Variants in DGKZ observed in about 807,000 individuals in gnomAD.
DGKZ encodes diacylglycerol kinase zeta, also known as DAG kinase zeta.
In DGKZ, 45 loss-of-function variants were observed where a neutral mutation model predicts 142.5. The observed-to-expected ratio is 0.32, with a 90% confidence interval of 0.25 to 0.40. The LOEUF is 0.40. Ranked by LOEUF, DGKZ falls within the 10% of genes least tolerant of loss-of-function variation. The pLI, the probability that DGKZ is intolerant of heterozygous loss-of-function variation, is 1.00. For synonymous variants in DGKZ, 442 were observed against 527.0 expected (o/e 0.84, Z 2.21); for missense variants, 755 against 1,306.5 (o/e 0.58, Z 6.51).
chr11:46,360,772 C>G (rs1222696259), intron 1 of DGKZ, among the ~76,000 whole-genome samples: 1 of 151,426 alleles, frequency 6.6e-6, no homozygotes, highest in Non-Finnish European at 1.5e-5. Flanking sequence ...GGTGACAGGG[C>G]AAGACTCCAT....
At position 46,348,867 on chromosome 11, in the gene DGKZ, C is replaced by T. The variant is rs531458188; in HGVS notation, c.161+1047C>T. Among the ~76,000 whole-genome samples, 11 of 152,282 alleles carry T rather than the reference C, an allele frequency of 7.2e-5. No individual in the cohort carries two copies. In the South Asian group the frequency reaches 2.1e-3, roughly 29 times the overall value. Reference sequence around the variant, plus strand: ...GCTTGTAGCCAATCAGCCAAGGACCCCAGAGCCACCTCAGACTGAACTCTG... The same window carrying T: ...GCTTGTAGCCAATCAGCCAAGGACCTCAGAGCCACCTCAGACTGAACTCTG... On this transcript the variant is annotated intron_variant, in intron 1 of 30. Transcript: ENST00000527911.
At chr11:46,370,999 C>T (rs897318053) in intron 6 of DGKZ, among the ~76,000 whole-genome samples, 1 of 152,138 alleles carries the variant, frequency 6.6e-6, no homozygotes, top group Admixed American at 6.5e-5. Context: ...ACAAGAGAAT[C>T]GCTTGAACCT....
intron 1 of DGKZ, among the ~76,000 whole-genome samples, chr11:46,336,153 G>T (rs868105102): frequency 2.2e-4 from 33 of 152,380 alleles, no homozygotes; most frequent in Non-Finnish European, 4.0e-4. Flanking sequence ...CGTAAGTGAG[G>T]ACGGGGGCTT....
chr11:46,369,738 C>T (rs1482670619), intron 5 of DGKZ, 188 bp downstream of exon 5: 2 of 900,786 alleles, frequency 2.2e-6, no homozygotes, highest in East Asian at 2.6e-5. Context: ...CAGCTTGTGC[C>T]TCCTGGTGCT....
intron 4 of DGKZ, chr11:46,368,323 A>G (rs1943560170): frequency 1.8e-6 from 1 of 562,990 alleles, no homozygotes; most frequent in South Asian, 1.8e-5. Context: ...ATATCACTCA[A>G]TGGAATGAAT....
At chr11:46,349,551 T>G (rs1476427268) in intron 1 of DGKZ, among the ~76,000 whole-genome samples, 1 of 144,352 alleles carries the variant, frequency 6.9e-6, no homozygotes, top group African/African-American at 2.8e-5. Context: ...TATTCTTCCT[T>G]TTGTAAAACA....
chr11:46,378,132 G>T, intron 25 of DGKZ, 66 bp from the exon 26 acceptor site: 1 of 1,563,564 alleles, frequency 6.4e-7, no homozygotes. Context: ...CCCCCAGTTG[G>T]GGTTGGGGAG....
exon 28 of DGKZ, chr11:46,379,014 G>A (rs766000782): frequency 1.3e-6 from 2 of 1,581,722 alleles, no homozygotes; most frequent in Non-Finnish European, 1.7e-6. Flanking sequence ...ACCGAGCTGG[G>A]GGCGACCTCA....
intron 24 of DGKZ, 197 bp downstream of exon 24, chr11:46,376,761 C>T (rs1944593479): frequency 1.3e-6 from 1 of 773,482 alleles, no homozygotes; most frequent in African/African-American, 1.7e-5. Context: ...CGGTGCCAGC[C>T]AGAAAGGCAG....
intron 1 of DGKZ, among the ~76,000 whole-genome samples, chr11:46,334,292 A>G (rs528022993): frequency 1.3e-5 from 2 of 152,318 alleles, no homozygotes; most frequent in East Asian, 3.9e-4. Flanking sequence ...CACAGCCTCA[A>G]CTTGGACTTG....
chr11:46,363,772 C>G (rs924431513), intron 1 of DGKZ, among the ~76,000 whole-genome samples: 1 of 152,222 alleles, frequency 6.6e-6, no homozygotes, highest in Non-Finnish European at 1.5e-5. Flanking sequence ...GCGGCCTGAC[C>G]AGGCAGGCAG....
At chr11:46,333,405 G>A (rs1939863531) in exon 1 of DGKZ, 1 of 1,507,436 alleles carries the variant, frequency 6.6e-7, no homozygotes, top group Non-Finnish European at 8.8e-7. Flanking sequence ...GCCCTGGCCC[G>A]AGGGTTCCCG....
chr11:46,355,298 C>T (rs997484525), intron 1 of DGKZ, among the ~76,000 whole-genome samples: 3 of 151,320 alleles, frequency 2.0e-5, no homozygotes, highest in Admixed American at 6.6e-5. Flanking sequence ...TTAGTAGAGA[C>T]GGGGTTTCGC....
chr11:46,379,413 C>A, intron 29 of DGKZ, 56 bp from the exon 30 acceptor site: 1 of 1,589,228 alleles, frequency 6.3e-7, no homozygotes, highest in Non-Finnish European at 8.6e-7. Context: ...CCTTGGGAGA[C>A]AGATGGGTGG....
intron 22 of DGKZ, 53 bp downstream of exon 22, chr11:46,376,198 G>A (rs551817863): frequency 4.5e-5 from 73 of 1,608,050 alleles, no homozygotes; most frequent in Admixed American, 2.0e-4. Flanking sequence ...TGGGAAGTGA[G>A]GCCAGGCCTC....
chr11:46,369,722 G>A (rs1943733549), intron 5 of DGKZ, 172 bp downstream of exon 5: 2 of 965,588 alleles, frequency 2.1e-6, no homozygotes, highest in East Asian at 2.6e-5. Flanking sequence ...TGCGGAGTGG[G>A]TGGGACAGCT....
intron 1 of DGKZ, chr11:46,364,856 G>A (rs1943077412): frequency 1.0e-6 from 1 of 985,306 alleles, no homozygotes; most frequent in African/African-American, 1.7e-5. Context: ...TCAGCCCCAG[G>A]CAGCACTGTC....
At chr11:46,345,560 A>G, upstream of DGKZ, 1 of 1,528,960 alleles carries the variant, frequency 6.5e-7, no homozygotes, top group Non-Finnish European at 8.8e-7. This position sits in a 1 kb window ranked among gnomAD's most constrained non-coding sequence, Gnocchi z 4.1. Context: ...CGTGCCACAG[A>G]TCCCATCAGA....
chr11:46,345,424 G>C (rs530790566), upstream of DGKZ: 1 of 1,451,474 alleles, frequency 6.9e-7, no homozygotes, highest in Admixed American at 3.2e-5. The surrounding 1 kb of genome is among the most constrained non-coding windows in gnomAD (Gnocchi z 4.1). Context: ...GCGCACCGGG[G>C]GCTGGCCACA....
Sources: allele counts gnomAD v4.1 joint callset (sites outside exome capture counted in the v4.1 genomes callset), GRCh38; gene constraint gnomAD v4.1.1; non-coding constraint Gnocchi (gnomAD v3.1); transcripts MANE v1.5; gene names NCBI Gene and HGNC (gene_info 2026-07-23, HGNC 2026-07-21).